Variants in NTNG1 observed in about 807,000 individuals in gnomAD.
The protein encoded by NTNG1 is netrin G1.
In NTNG1, 16 loss-of-function variants were observed where a neutral mutation model predicts 54.0. That is an observed-to-expected ratio of 0.30 (90% CI 0.20 to 0.45). The LOEUF is 0.45. Among genes scored for constraint, NTNG1 ranks in the 20% least tolerant of loss-of-function variants. The probability of loss-of-function intolerance (pLI) is 1.00; values close to 1 mark genes in which losing one functional copy is unlikely to be tolerated. For missense variants in NTNG1, 530 were observed against 678.7 expected (o/e 0.78, Z 2.43); for synonymous variants, 255 against 263.1 (o/e 0.97, Z 0.30).
chr1:107,268,301 C>G (rs1313446726), intron 2 of NTNG1, among the ~76,000 whole-genome samples: 1 of 152,124 alleles, frequency 6.6e-6, no homozygotes, highest in Non-Finnish European at 1.5e-5. Context: ...GGGTCCCCAC[C>G]ACTGTAACAA....
upstream of NTNG1, chr1:107,140,920 G>A (rs192452114): frequency 2.0e-5 from 3 of 152,878 alleles, no homozygotes; most frequent in Non-Finnish European, 4.4e-5. Flanking sequence ...CGAAGGCTGA[G>A]ATCTCATTAT....
chr1:107,270,249 T>C (rs971595346), intron 2 of NTNG1, among the ~76,000 whole-genome samples: 4 of 152,380 alleles, frequency 2.6e-5, no homozygotes, highest in Admixed American at 1.3e-4. Flanking sequence ...TTTTCTGTTA[T>C]AGTGAAAACT....
intron 2 of NTNG1, among the ~76,000 whole-genome samples, chr1:107,265,666 A>C (rs1663685961): frequency 6.6e-6 from 1 of 152,226 alleles, no homozygotes; most frequent in Non-Finnish European, 1.5e-5. Flanking sequence ...CTTTCTGTTA[A>C]ATTTTCAGTA....
At chr1:107,233,733 T>A (rs1324795714) in intron 2 of NTNG1, among the ~76,000 whole-genome samples, 1 of 152,186 alleles carries the variant, frequency 6.6e-6, no homozygotes, top group Non-Finnish European at 1.5e-5. Context: ...TAGATTTTGA[T>A]TAGGGATTAA....
chr1:107,450,028 A>G (rs1343662043), intron 7 of NTNG1, among the ~76,000 whole-genome samples: 2 of 152,196 alleles, frequency 1.3e-5, no homozygotes, highest in Middle Eastern at 3.4e-3. Flanking sequence ...CTTTATTCCT[A>G]CTGATAGGTT....
chr1:107,240,975 G>T (rs116768291), intron 2 of NTNG1, among the ~76,000 whole-genome samples: 1 of 151,690 alleles, frequency 6.6e-6, no homozygotes, highest in Non-Finnish European at 1.5e-5. Flanking sequence ...AAATCACTTC[G>T]GATTTTTTTT....
At chr1:107,219,295 A>G (rs1660186505) in intron 2 of NTNG1, among the ~76,000 whole-genome samples, 1 of 151,636 alleles carries the variant, frequency 6.6e-6, no homozygotes, top group Non-Finnish European at 1.5e-5. Flanking sequence ...TCTCTATCTC[A>G]CTGGAGATGT....
At chr1:107,451,113 T>C (rs1210914323) in intron 7 of NTNG1, among the ~76,000 whole-genome samples, 8 of 151,206 alleles carry the variant, frequency 5.3e-5, no homozygotes, top group Non-Finnish European at 7.4e-5. Context: ...TCTTTCTTTT[T>C]TTTTTTTTTT....
chr1:107,140,814 C>T (rs1252511166), upstream of NTNG1: 1 of 152,054 alleles, frequency 6.6e-6, no homozygotes. Context: ...AAAAAATATC[C>T]CTCAGTAAAA....
At chr1:107,226,938 C>G (rs904334326) in intron 2 of NTNG1, among the ~76,000 whole-genome samples, 1 of 152,122 alleles carries the variant, frequency 6.6e-6, no homozygotes, top group African/African-American at 2.4e-5. Flanking sequence ...AACTGAGCAG[C>G]ACCAAGGGCT....
At chr1:107,454,969 C>T (rs1034286536) in intron 7 of NTNG1, among the ~76,000 whole-genome samples, 2 of 152,312 alleles carry the variant, frequency 1.3e-5, no homozygotes, top group Non-Finnish European at 2.9e-5. Context: ...TACGTGTGAG[C>T]ACAGTGCTGT....
At chr1:107,395,457 T>A in intron 4 of NTNG1, 131 bp downstream of exon 4, 1 of 869,822 alleles carries the variant, frequency 1.1e-6, no homozygotes, top group Non-Finnish European at 2.0e-6. Context: ...CAGCGAAAGT[T>A]TCAGTCCCTA....
intron 2 of NTNG1, among the ~76,000 whole-genome samples, chr1:107,204,920 T>G (rs951116548): frequency 2.0e-5 from 3 of 151,948 alleles, no homozygotes; most frequent in Non-Finnish European, 4.4e-5. Context: ...GATACGGGAG[T>G]TACTGCAGAT....
chr1:107,264,301 C>T (rs747594109), intron 2 of NTNG1, among the ~76,000 whole-genome samples: 10 of 152,104 alleles, frequency 6.6e-5, no homozygotes, highest in Non-Finnish European at 1.3e-4. Flanking sequence ...ATCATCTGAC[C>T]TCCCACACAA....
chr1:107,178,808 A>G (rs1214207727), intron 2 of NTNG1, among the ~76,000 whole-genome samples: 1 of 152,182 alleles, frequency 6.6e-6, no homozygotes. Flanking sequence ...AGCCATGGCG[A>G]CACACAACAT....
intron 7 of NTNG1, among the ~76,000 whole-genome samples, chr1:107,440,670 G>T (rs1442580267): frequency 1.3e-5 from 2 of 152,118 alleles, no homozygotes; most frequent in African/African-American, 4.8e-5. Flanking sequence ...CACTATTGAG[G>T]AATCAAACTG....
chr1:107,290,941 T>G (rs1463870926), intron 2 of NTNG1, among the ~76,000 whole-genome samples: 1 of 144,944 alleles, frequency 6.9e-6, no homozygotes, highest in Non-Finnish European at 1.5e-5. Context: ...TGTGGAGATA[T>G]TTTAAAGTGC....
At chr1:107,376,236 G>A (rs752597187) in intron 3 of NTNG1, among the ~76,000 whole-genome samples, 3 of 150,848 alleles carry the variant, frequency 2.0e-5, no homozygotes, top group East Asian at 2.0e-4. Context: ...GTGAAACCCC[G>A]TCTCTACTAA....
chr1:107,328,830 C>A (rs1442994720), intron 3 of NTNG1: 2 of 151,998 alleles, frequency 1.3e-5, no homozygotes, highest in Non-Finnish European at 2.9e-5. Flanking sequence ...ACAAATGAAT[C>A]TTTAGTAATC....
Sources: allele counts gnomAD v4.1 joint callset (sites outside exome capture counted in the v4.1 genomes callset), GRCh38; gene constraint gnomAD v4.1.1; transcripts MANE v1.5; gene names NCBI Gene and HGNC (gene_info 2026-07-23, HGNC 2026-07-21).